NUP155: variants seen among roughly 807,000 people sequenced by gnomAD.
NUP155 encodes the protein nucleoporin 155, also known as nuclear pore complex protein Nup155.
In NUP155, 71 loss-of-function variants were observed where a neutral mutation model predicts 180.4. That is an observed-to-expected ratio of 0.39 (90% CI 0.33 to 0.48). The LOEUF is 0.48. NUP155 is among the 20% of genes least tolerant of loss of function. The pLI is 0.91. For missense variants in NUP155, 1,553 were observed against 1,648.9 expected (o/e 0.94, Z 1.01); for synonymous variants, 582 against 559.5 (o/e 1.04, Z -0.57).
intron 19 of NUP155, among the ~76,000 whole-genome samples, chr5:37,324,960 G>A (rs1324772107): frequency 1.3e-5 from 2 of 152,172 alleles, no homozygotes; most frequent in African/African-American, 4.8e-5. Flanking sequence ...GACCAGCCTG[G>A]CTAACATAGT....
chr5:37,358,017 G>C (rs951551202), intron 4 of NUP155, 64 bp downstream of exon 4: 30 of 1,120,914 alleles, frequency 2.7e-5, no homozygotes, highest in Non-Finnish European at 3.8e-5. Context: ...TTGTTGTTCA[G>C]GTCTATACCA....
intron 12 of NUP155, among the ~76,000 whole-genome samples, chr5:37,336,444 GAA>G (rs936982554): frequency 6.9e-6 from 1 of 144,504 alleles, no homozygotes; most frequent in African/African-American, 2.5e-5. Flanking sequence ...AAAGAGTAAA[GAA>G]AAAAAAAAAG....
At chr5:37,303,007 A>G in intron 28 of NUP155, 99 bp from the exon 29 acceptor site, 1 of 1,327,156 alleles carries the variant, frequency 7.5e-7, no homozygotes, top group East Asian at 2.3e-5. Context: ...AAACACACAT[A>G]AAAAGCCATC....
chr5:37,356,752 T>G (rs994892829), intron 4 of NUP155, among the ~76,000 whole-genome samples: 2 of 152,074 alleles, frequency 1.3e-5, no homozygotes, highest in African/African-American at 2.4e-5. Context: ...AAACAATAAG[T>G]TAAACAATGC....
chr5:37,322,823 A>AT (rs1166141121), intron 20 of NUP155, among the ~76,000 whole-genome samples: 1 of 151,534 alleles, frequency 6.6e-6, no homozygotes, highest in East Asian at 1.9e-4. Flanking sequence ...AAATAGAAAA[A>AT]TTAGCTGGGC....
chr5:37,333,618 C>A lies in NUP155; in HGVS notation c.1363G>T (p.Asp455Tyr). ...GCAGAAAGAGCCCAGGAATGACCAT[C>A]AACACCAGCTGTCATCTATGTAAAA... ...MMETQMTAGVDGHSWALSAID... is the reference protein window; with the variant it reads ...MMETQMTAGVYGHSWALSAID... The change falls in exon 13 of 35, where the codon GAT (aspartate) becomes TAT (tyrosine). Residue 455 changes from aspartate to tyrosine, a missense_variant. Asp to Tyr is a radical substitution (Grantham distance 160, BLOSUM62 -3). Coordinates refer to ENST00000231498, the MANE Select transcript of NUP155 (RefSeq NM_153485.3). The A allele has an allele frequency of 6.2e-7, 1 of 1,613,430 alleles. No homozygotes were observed. Among genetic ancestry groups the A allele is most frequent in the Non-Finnish European group, 8.5e-7 (1 of 1,179,564 alleles).
intron 13 of NUP155, 104 bp from the exon 14 acceptor site, chr5:37,331,899 A>C (rs1744987947): frequency 1.3e-6 from 1 of 762,568 alleles, no homozygotes. Context: ...AACAAAAAAA[A>C]CCATTCAACA....
intron 20 of NUP155, among the ~76,000 whole-genome samples, chr5:37,322,302 A>G (rs1418734334): frequency 6.6e-6 from 1 of 152,210 alleles, no homozygotes; most frequent in Non-Finnish European, 1.5e-5. Flanking sequence ...ATGCTTTAAA[A>G]AGATTATACT....
chr5:37,300,822 A>AT (rs1241491895), intron 30 of NUP155, among the ~76,000 whole-genome samples: 4,745 of 138,966 alleles, frequency 0.034, 110 homozygotes, highest in Middle Eastern at 0.11. Context: ...CACCTGGCTA[A>AT]TTTTTTTTTT....
intron 3 of NUP155, among the ~76,000 whole-genome samples, chr5:37,360,804 G>A (rs557434232): frequency 5.9e-5 from 9 of 151,444 alleles, no homozygotes; most frequent in African/African-American, 1.7e-4. Context: ...GGGTCCAGGC[G>A]CAGTGGCTTA....
intron 18 of NUP155, among the ~76,000 whole-genome samples, chr5:37,326,536 G>A (rs6896010): frequency 0.046 from 7,061 of 152,182 alleles, 566 homozygotes; most frequent in African/African-American, 0.16. Flanking sequence ...TAGAATAAAG[G>A]TTTTGCAAGT....
intron 23 of NUP155, 70 bp downstream of exon 23, chr5:37,310,482 G>T: frequency 7.7e-7 from 1 of 1,306,226 alleles, no homozygotes; most frequent in Non-Finnish European, 1.1e-6. Context: ...TATATTAAGT[G>T]AAACAAGATG....
rs767367564 is a variant in NUP155 at position 37,330,014 on chromosome 5, TAAAC to T, written c.1724+20_1724+23del. ...GTGGCCCAGTAAAAAAACAAATAAA[TAAAC>T]AAGAAAAACTTTCACATACCTAAAG... On this transcript the variant is annotated intron_variant, in intron 15 of 34. Transcript: ENST00000231498. 52 of 1,534,140 alleles carry T rather than the reference TAAAC, an allele frequency of 3.4e-5. No individual in the cohort carries two copies. The highest frequency in any genetic ancestry group is 4.7e-5 in the Non-Finnish European group (52 of 1,109,632).
chr5:37,359,081 G>A (rs535411343), intron 3 of NUP155, among the ~76,000 whole-genome samples: 1 of 151,480 alleles, frequency 6.6e-6, no homozygotes, highest in Non-Finnish European at 1.5e-5. Context: ...GGGTGAGGCA[G>A]GAGCCCAGGA....
At chr5:37,298,746 A>G in intron 32 of NUP155, 122 bp downstream of exon 32, 1 of 688,808 alleles carries the variant, frequency 1.5e-6, no homozygotes, top group African/African-American at 1.8e-5. Flanking sequence ...GGCAGAATTA[A>G]AGTGCTGAAC....
At chr5:37,329,696 C>A (rs1356635086) in intron 15 of NUP155, among the ~76,000 whole-genome samples, 4 of 151,934 alleles carry the variant, frequency 2.6e-5, no homozygotes, top group African/African-American at 9.7e-5. Context: ...AATTCAGAAG[C>A]CTTCAATACT....
At position 37,302,920 on chromosome 5, in the gene NUP155, A is replaced by C. The variant is rs759292907; in HGVS notation, c.3318-12T>G. The C allele has an allele frequency of 4.3e-6, 7 of 1,613,858 alleles. No homozygotes were observed. In the South Asian group the frequency reaches 7.7e-5, roughly 18 times the overall value. On this transcript the variant is annotated splice_polypyrimidine_tract_variant and intron_variant, in intron 28 of 34. Transcript: ENST00000231498. ...GTGAAATTTCTGTGCTAGAAGGGAA[A>C]ACGCTTATTTTTAGTTACACAATTT...
chr5:37,338,331 A>T (rs1020643387), intron 11 of NUP155, among the ~76,000 whole-genome samples: 1 of 151,732 alleles, frequency 6.6e-6, no homozygotes, highest in Non-Finnish European at 1.5e-5. Flanking sequence ...AAAAAAAAAA[A>T]AAAAAATTTT....
chr5:37,299,960 A>T (rs1429098178), intron 30 of NUP155, among the ~76,000 whole-genome samples: 1 of 151,154 alleles, frequency 6.6e-6, no homozygotes, highest in African/African-American at 2.4e-5. Context: ...TGGAGGTTGC[A>T]GTCAGCTGAG....
Sources: gnomAD v4.1 joint callset for allele counts (sites outside exome capture counted in the v4.1 genomes callset) on GRCh38, gnomAD v4.1.1 for gene constraint, MANE v1.5 for transcripts, NCBI Gene and HGNC (gene_info 2026-07-23, HGNC 2026-07-21) for gene names.